CYP4X1: variants seen among roughly 807,000 people sequenced by gnomAD.
The protein encoded by CYP4X1 is cytochrome P450 family 4 subfamily X member 1, also known as cytochrome P450 4X1.
Under a neutral mutation model 57.9 loss-of-function variants are expected in CYP4X1, and 44 were observed. That is an observed-to-expected ratio of 0.76 (90% CI 0.60 to 0.98). The LOEUF (loss-of-function observed/expected upper bound fraction) is 0.98, where lower values mean the gene tolerates loss of function less well. Ranked by LOEUF, CYP4X1 falls within the 50% of genes least tolerant of loss-of-function variation. The pLI is 0.00. For missense variants in CYP4X1, 532 were observed against 623.9 expected (o/e 0.85, Z 1.57); for synonymous variants, 227 against 228.6 (o/e 0.99, Z 0.06).
At chr1:47,008,894 A>C in the CYP4X1 span, among the ~76,000 whole-genome samples, 1 of 152,248 alleles carries the variant, frequency 6.6e-6, no homozygotes, top group African/African-American at 2.4e-5. Flanking sequence ...ATATGCACTC[A>C]ATACAGGAGC....
the CYP4X1 span, among the ~76,000 whole-genome samples, chr1:47,015,220 A>G: frequency 6.6e-6 from 1 of 152,212 alleles, no homozygotes; most frequent in African/African-American, 2.4e-5. Context: ...CAGTGAGAGT[A>G]GGAACTGGTT....
chr1:47,052,322 A>G (rs1355370019), downstream of CYP4X1, among the ~76,000 whole-genome samples: 1 of 152,168 alleles, frequency 6.6e-6, no homozygotes, highest in African/African-American at 2.4e-5. Context: ...GTTAAATAAG[A>G]AGACAGAAAC....
chr1:47,030,234 G>C (rs920934690), intron 2 of CYP4X1, 103 bp downstream of exon 2: 1 of 1,421,056 alleles, frequency 7.0e-7, no homozygotes, highest in Non-Finnish European at 9.5e-7. Context: ...GGGCCTTTAA[G>C]AGACACAGCA....
At chr1:47,048,909 A>G (rs1644331423) in intron 10 of CYP4X1, among the ~76,000 whole-genome samples, 1 of 152,234 alleles carries the variant, frequency 6.6e-6, no homozygotes, top group Non-Finnish European at 1.5e-5. Flanking sequence ...CCACATCATC[A>G]TTTTGACTTG....
intron 3 of CYP4X1, 134 bp from the exon 4 acceptor site, chr1:47,033,107 G>C (rs960909883): frequency 1.2e-6 from 1 of 862,972 alleles, no homozygotes; most frequent in Non-Finnish European, 1.7e-6. Flanking sequence ...ACATTAATAC[G>C]AGTACTACTT....
At chr1:47,003,206 T>A in the CYP4X1 span, 1 of 152,200 alleles carries the variant, frequency 6.6e-6, no homozygotes, top group Non-Finnish European at 1.5e-5. Context: ...TTAGTTCTCA[T>A]CATTGGATTG....
chr1:47,035,837 A>C lies in CYP4X1; in HGVS notation c.524A>C (p.Asp175Ala). The C allele has an allele frequency of 6.2e-7, 1 of 1,613,506 alleles. No individual in the cohort carries two copies. ...DKWEKICSTQ[D>A]TSVEVYEHIN... is the part of the protein sequence containing the mutation. ...TGGGAGAAGATTTGCAGCACTCAGG[A>C]CACAAGCGTGGAGGTCTATGAGCAC... The change falls in exon 5 of 12, where the codon GAC becomes GCC. Residue 175 changes from aspartate (D) to alanine (A), a missense_variant. By Grantham distance (126) the Asp-to-Ala change is moderately radical. Coordinates refer to ENST00000371901, the MANE Select transcript of CYP4X1 (RefSeq NM_178033.2).
chr1:47,006,267 T>C, the CYP4X1 span, among the ~76,000 whole-genome samples: 4 of 152,232 alleles, frequency 2.6e-5, no homozygotes, highest in Non-Finnish European at 5.9e-5. Flanking sequence ...TGTTCTTATC[T>C]ATAAGTGCCC....
the CYP4X1 span, among the ~76,000 whole-genome samples, chr1:46,992,165 A>G: frequency 6.6e-6 from 1 of 152,230 alleles, no homozygotes; most frequent in Non-Finnish European, 1.5e-5. Context: ...TAAAAAATTA[A>G]ATTAGCTGAG....
chr1:46,983,567 C>T, the CYP4X1 span, among the ~76,000 whole-genome samples: 2 of 152,190 alleles, frequency 1.3e-5, no homozygotes, highest in Admixed American at 6.5e-5. Flanking sequence ...GGGGGCAGGG[C>T]GGCTGTGCTG....
chr1:47,005,964 T>C, the CYP4X1 span, among the ~76,000 whole-genome samples: 1 of 152,212 alleles, frequency 6.6e-6, no homozygotes, highest in African/African-American at 2.4e-5. Context: ...CTTTGAGACA[T>C]GTACTTAGGT....
At chr1:47,004,215 C>T in the CYP4X1 span, among the ~76,000 whole-genome samples, 1,635 of 152,314 alleles carry the variant, frequency 0.011, 33 homozygotes, top group African/African-American at 0.037. Context: ...CGGGGCCGCT[C>T]CCATCTTGTG....
At chr1:47,009,514 A>G in the CYP4X1 span, among the ~76,000 whole-genome samples, 1 of 152,208 alleles carries the variant, frequency 6.6e-6, no homozygotes, top group Non-Finnish European at 1.5e-5. Context: ...GAGAAGCAAG[A>G]ACAAACACGT....
the CYP4X1 span, among the ~76,000 whole-genome samples, chr1:46,966,211 T>C: frequency 6.6e-6 from 1 of 152,140 alleles, no homozygotes; most frequent in African/African-American, 2.4e-5. Context: ...GCCATGGAAA[T>C]GGGGCCCACA....
At chr1:46,995,959 G>A in the CYP4X1 span, among the ~76,000 whole-genome samples, 1 of 152,200 alleles carries the variant, frequency 6.6e-6, no homozygotes, top group Non-Finnish European at 1.5e-5. Context: ...TACAGCAGCA[G>A]AAAGAGGTGT....
At chr1:47,034,599 C>G (rs983263345) in intron 4 of CYP4X1, among the ~76,000 whole-genome samples, 2 of 152,124 alleles carry the variant, frequency 1.3e-5, no homozygotes, top group East Asian at 3.9e-4. Flanking sequence ...CTCACAGAAG[C>G]AGTTTGAACC....
intron 6 of CYP4X1, among the ~76,000 whole-genome samples, chr1:47,036,816 G>A (rs949156600): frequency 2.6e-5 from 4 of 152,100 alleles, no homozygotes; most frequent in Non-Finnish European, 5.9e-5. Context: ...TTGTTGTTAC[G>A]ATGAGTGGGT....
At chr1:47,043,268 G>A (rs1439051054) in intron 8 of CYP4X1, among the ~76,000 whole-genome samples, 2 of 152,030 alleles carry the variant, frequency 1.3e-5, no homozygotes, top group Non-Finnish European at 2.9e-5. Context: ...TTTGAGAATT[G>A]TCTATTCATG....
At chr1:47,023,424 G>A (rs1166751848), upstream of CYP4X1, 2 of 725,586 alleles carry the variant, frequency 2.8e-6, no homozygotes, top group Non-Finnish European at 3.4e-6. Flanking sequence ...ATGCCAGAAT[G>A]GAAAAGAAAA....
Sources: allele counts gnomAD v4.1 joint callset (sites outside exome capture counted in the v4.1 genomes callset), GRCh38; gene constraint gnomAD v4.1.1; transcripts MANE v1.5; gene names NCBI Gene and HGNC (gene_info 2026-07-23, HGNC 2026-07-21).